LYSMD4: variants seen among roughly 807,000 people sequenced by gnomAD.
The protein encoded by LYSMD4 is LysM domain containing 4, also known as lysM and putative peptidoglycan-binding domain-containing protein 4.
In LYSMD4, 9 loss-of-function variants were observed where a neutral mutation model predicts 6.1. That is an observed-to-expected ratio of 1.47 (90% CI 0.88 to 2.56). The LOEUF (loss-of-function observed/expected upper bound fraction) is 2.56. Among genes scored for constraint, LYSMD4 ranks in the 30% most tolerant of loss-of-function variants. LYSMD4 has a pLI of 0.00. For missense variants in LYSMD4, 384 were observed against 373.5 expected, an observed-to-expected ratio of 1.03 and a Z score of -0.23; for synonymous variants, 143 against 148.5, an observed-to-expected ratio of 0.96 and a Z score of 0.27.
chr15:99,722,534 G>T (rs1469580575), downstream of LYSMD4, among the ~76,000 whole-genome samples: 1 of 152,164 alleles, frequency 6.6e-6, no homozygotes. Flanking sequence ...AGAAAAACAA[G>T]AACATACAAT....
chr15:99,716,735 G>A (rs202164028), exon 1 of LYSMD4: 7 of 456,002 alleles, frequency 1.5e-5, no homozygotes, highest in African/African-American at 8.0e-5. Context: ...AGTGGGCCAC[G>A]CAGTCCCACC....
At chr15:99,732,722 T>C (rs2059448331) in intron 1 of LYSMD4, among the ~76,000 whole-genome samples, 1 of 152,152 alleles carries the variant, frequency 6.6e-6, no homozygotes, top group African/African-American at 2.4e-5. Context: ...AAACGAAATC[T>C]CAAACACGCG....
chr15:99,732,785 A>T (rs2059450030), intron 1 of LYSMD4: 1 of 152,452 alleles, frequency 6.6e-6, no homozygotes, highest in Non-Finnish European at 1.5e-5. Context: ...AGCAGCCCGT[A>T]CGGGGACAGC....
In LYSMD4 at chr15:99,728,364, G is replaced by A. The variant is rs942634205; in HGVS notation, c.*759C>T. The A allele has an allele frequency of 6.6e-6, 1 of 152,584 alleles. No homozygotes were observed. The highest frequency in any genetic ancestry group is 1.5e-5 in the Non-Finnish European group (1 of 68,336). The allele number at this position is 152,584 out of a possible 1,614,324, so 9.5% of individuals were successfully genotyped here. On this transcript the variant is annotated 3_prime_UTR_variant, in exon 3 of 3. Transcript: ENST00000684762. ...GGCCAGCAAGAGCTCCTTCCAAGGA[G>A]GACAAGTGGGAGAATCCAGAGAGCC...
At chr15:99,716,413 A>C (rs325380) in exon 1 of LYSMD4, 211,990 of 426,464 alleles carry the variant, frequency 0.5, 57,026 homozygotes, top group Non-Finnish European at 0.56. Context: ...CAAATGGTGA[A>C]GACAATGCTA....
At chr15:99,733,263 G>C (rs1235515405) in intron 1 of LYSMD4, 82 bp downstream of exon 1, 7 of 384,352 alleles carry the variant, frequency 1.8e-5, no homozygotes, top group African/African-American at 1.3e-4. Context: ...GCGAACCCTC[G>C]AGCGAGGCCA....
chr15:99,723,120 T>C (rs1270987670), downstream of LYSMD4, among the ~76,000 whole-genome samples: 13 of 150,684 alleles, frequency 8.6e-5, no homozygotes, highest in Non-Finnish European at 1.5e-5. Flanking sequence ...ATAGAAACTA[T>C]CCAAAATAAA....
Position 99,731,340 on chromosome 15 carries a change from C to T in LYSMD4, c.282+378G>A, listed in dbSNP as rs769695595. Reference sequence around the variant, plus strand: ...GAAAGGTTCAGAAAAATAAGAGCAGCGAGAAAAGCAAGCATACCATAGAAA... The same window carrying T: ...GAAAGGTTCAGAAAAATAAGAGCAGTGAGAAAAGCAAGCATACCATAGAAA... On this transcript the variant is annotated intron_variant, in intron 2 of 2. Transcript: ENST00000684762. 26 of 1,609,122 alleles carry T rather than the reference C, an allele frequency of 1.6e-5. No individual in the cohort carries two copies. In the Middle Eastern group the frequency reaches 9.9e-4, roughly 61 times the overall value.
In LYSMD4 at chr15:99,729,011, T is replaced by C. The variant is rs145602005; in HGVS notation, c.*112A>G. The C allele has an allele frequency of 1.3e-3, 1,859 of 1,411,642 alleles. 2 individuals are homozygous for C. The highest frequency in any genetic ancestry group is 1.7e-3 in the Non-Finnish European group (1,762 of 1,030,350). The allele number at this position is 1,411,642 out of a possible 1,614,324, so 87.4% of individuals were successfully genotyped here. The stretch of plus-strand genomic sequence containing the variant: ...GAATACTGCAGTGACTTCTGAAAAG[T>C]GTCCATCCTTCCCCGGAAGCAAAAT... On this transcript the variant is annotated 3_prime_UTR_variant, in exon 3 of 3. Coordinates refer to ENST00000684762, the MANE Select transcript of LYSMD4 (RefSeq NM_001284417.2).
exon 1 of LYSMD4, chr15:99,716,828 A>G (rs534209679): frequency 7.9e-6 from 3 of 379,404 alleles, no homozygotes; most frequent in South Asian, 3.7e-5. Flanking sequence ...CTCACAGGAA[A>G]TACGCCAAAG....
chr15:99,715,985 A>G (rs889275396), exon 1 of LYSMD4: 1 of 153,600 alleles, frequency 6.5e-6, no homozygotes, highest in African/African-American at 2.4e-5. Flanking sequence ...TAATGCATCA[A>G]CATAATTTCT....
intron 2 of LYSMD4, chr15:99,731,104 T>C: frequency 2.1e-6 from 3 of 1,436,210 alleles, no homozygotes; most frequent in Admixed American, 1.7e-5. Context: ...TGTAGCACAG[T>C]GTTAGCAAAG....
Position 99,728,684 on chromosome 15 carries a change from ACT to A in LYSMD4, c.*437_*438del. 5.1e-6 allele frequency: 1 copy of A among 195,018 alleles called. No individual in the cohort carries two copies. Among genetic ancestry groups the A allele is most frequent in the East Asian group, 1.1e-4 (1 of 9,162 alleles). The allele number at this position is 195,018 out of a possible 1,614,324, so 12.1% of individuals were successfully genotyped here. A position where few individuals can be genotyped will look rare whatever the true frequency, so the allele number is the denominator to read the frequency against. On this transcript the variant is annotated 3_prime_UTR_variant, in exon 3 of 3. Coordinates refer to ENST00000684762, the MANE Select transcript of LYSMD4 (RefSeq NM_001284417.2). ...CACCTTTGCCAGGCAGACAGAGAAC[ACT>A]CCTTCTCAGAGCCAATCCCCGCTCC...
upstream of LYSMD4, among the ~76,000 whole-genome samples, chr15:99,718,968 C>T (rs747907331): frequency 9.2e-5 from 14 of 152,070 alleles, no homozygotes; most frequent in Non-Finnish European, 2.1e-4. Context: ...ATTACCTAAA[C>T]ATGTCAAAAG....
upstream of LYSMD4, among the ~76,000 whole-genome samples, chr15:99,719,779 A>G (rs2059224306): frequency 6.6e-6 from 1 of 152,234 alleles, no homozygotes; most frequent in African/African-American, 2.4e-5. Flanking sequence ...AGGTATCGCC[A>G]AATTTGCCTC....
At chr15:99,730,084 G>A (rs2059368891) in intron 2 of LYSMD4, among the ~76,000 whole-genome samples, 1 of 152,240 alleles carries the variant, frequency 6.6e-6, no homozygotes. Flanking sequence ...GAATGTTGCA[G>A]CCTTTTCCAC....
Position 99,729,704 on chromosome 15 carries a change from A to C in LYSMD4, c.310T>G (p.Phe104Val). The C allele has an allele frequency of 6.2e-7, 1 of 1,610,634 alleles. No homozygotes were observed. The highest frequency in any genetic ancestry group is 2.2e-5 in the East Asian group (1 of 44,850). ...GCATATAAGTCTTGTTCTCTGATGA[A>C]GTTGTTGACTTTCTTGATATCTGCA... is the stretch of plus-strand genomic sequence containing the variant. ...KVADIKKVNN[F>V]IREQDLYALK... Residue 104 changes from phenylalanine to valine, a missense_variant, in exon 3 of 3, where the codon TTC (phenylalanine) becomes GTC (valine). Phe to Val is a conservative substitution (Grantham distance 50, BLOSUM62 -1). Coordinates refer to ENST00000684762, the MANE Select transcript of LYSMD4 (RefSeq NM_001284417.2).
chr15:99,727,849 T>TG lies in LYSMD4; in HGVS notation c.*1273_*1274insC. On this transcript the variant is annotated 3_prime_UTR_variant, in exon 3 of 3. Transcript: ENST00000684762. Reference sequence around the variant, plus strand: ...GCATCTGGGCAGTGTCTGCCTCCTGTCCAGAACTCTTGGAGGCCGGGCCAG... The same window carrying TG: ...GCATCTGGGCAGTGTCTGCCTCCTGTGCCAGAACTCTTGGAGGCCGGGCCAG... 6.6e-6 allele frequency: 1 copy of TG among 152,390 alleles called. No individual in the cohort carries two copies. Among genetic ancestry groups the TG allele is most frequent in the South Asian group, 2.1e-4 (1 of 4,832 alleles). The allele number at this position is 152,390 out of a possible 1,614,324, so 9.4% of individuals were successfully genotyped here.
At position 99,731,772 on chromosome 15, in the gene LYSMD4, C is replaced by T; in HGVS notation, c.228G>A (p.Arg76=). 2 of 1,610,016 alleles carry T rather than the reference C, an allele frequency of 1.2e-6. No individual in the cohort carries two copies. The highest frequency in any genetic ancestry group is 2.2e-4 in the Middle Eastern group (1 of 4,502). The change falls in exon 2 of 3, where the codon CGG becomes CGA. Residue 76 remains arginine, a synonymous_variant. Transcript: ENST00000684762. The part of the protein sequence containing the change: ...AGAGDVVLLQ[R]ELAQEDSLNK... ...TGAGGCTGTCCTCCTGGGCCAGCTC[C>T]CGCTGCAGCAGCACCACGTCACCTG...
Sources: gnomAD v4.1 joint callset for allele counts (sites outside exome capture counted in the v4.1 genomes callset) on GRCh38, gnomAD v4.1.1 for gene constraint, MANE v1.5 for transcripts, NCBI Gene and HGNC (gene_info 2026-07-23, HGNC 2026-07-21) for gene names.